CADM2: variants seen among roughly 807,000 people sequenced by gnomAD.
CADM2 encodes immunoglobulin superfamily member 4D.
A neutral mutation model predicts 49.8 loss-of-function variants in CADM2; 12 were observed. The ratio of observed to expected loss-of-function variants is 0.24; its 90% CI spans 0.15 to 0.39. The LOEUF (loss-of-function observed/expected upper bound fraction) is 0.39. Among genes scored for constraint, CADM2 ranks in the 10% least tolerant of loss-of-function variants. CADM2 has a pLI of 1.00. For synonymous variants in CADM2, 214 were observed against 175.4 expected, an observed-to-expected ratio of 1.22 and a Z score of -1.74; for missense variants, 378 against 492.3, an observed-to-expected ratio of 0.77 and a Z score of 2.20.
At chr3:85,959,341 G>T (rs1418897061) in intron 7 of CADM2, among the ~76,000 whole-genome samples, 3 of 151,722 alleles carry the variant, frequency 2.0e-5, no homozygotes, top group South Asian at 2.1e-4. Context: ...TAGGTTTTAT[G>T]GGGGCTTCAT....
chr3:85,711,263 C>T (rs1047294085), intron 1 of CADM2, among the ~76,000 whole-genome samples: 2 of 152,032 alleles, frequency 1.3e-5, no homozygotes, highest in Non-Finnish European at 2.9e-5. Flanking sequence ...TGTGCTGGGA[C>T]TTTGAAGACT....
intron 1 of CADM2, among the ~76,000 whole-genome samples, chr3:85,297,903 A>G (rs112437518): frequency 7.9e-5 from 12 of 152,206 alleles, no homozygotes; most frequent in South Asian, 2.1e-4. Flanking sequence ...CCACTAGACT[A>G]TAGGAATCAT....
intron 2 of CADM2, among the ~76,000 whole-genome samples, chr3:85,754,516 A>T (rs115483113): frequency 5.3e-5 from 8 of 152,304 alleles, no homozygotes; most frequent in African/African-American, 1.9e-4. Flanking sequence ...CTTGTCTTCT[A>T]TAATGTACCC....
rs116630849 is a variant in CADM2 at position 85,016,332 on chromosome 3, A to G, written c.61+56664A>G. Among the ~76,000 whole-genome samples, 932 of 152,318 alleles carry G rather than the reference A, an allele frequency of 6.1e-3. 16 individuals carry two copies. The highest frequency in any genetic ancestry group is 0.021 in the African/African-American group (892 of 41,566). On this transcript the variant is annotated intron_variant, in intron 1 of 9. Transcript: ENST00000383699. ...TAAAAAAGAGCCAAAACCATTTCCA[A>G]CAAGCCTCAGCAATTGGGATGACCA...
At chr3:85,116,799 T>G (rs1278546126) in intron 1 of CADM2, among the ~76,000 whole-genome samples, 2 of 152,146 alleles carry the variant, frequency 1.3e-5, no homozygotes, top group Non-Finnish European at 2.9e-5. Flanking sequence ...TAACTTATGA[T>G]AGTATACAGT....
chr3:85,694,535 A>G (rs1016551283), intron 1 of CADM2, among the ~76,000 whole-genome samples: 1 of 152,244 alleles, frequency 6.6e-6, no homozygotes. Context: ...GTATTTTGCT[A>G]TGGCAGCCCC....
intron 1 of CADM2, among the ~76,000 whole-genome samples, chr3:85,332,874 T>C (rs2044969828): frequency 6.6e-6 from 1 of 151,948 alleles, no homozygotes; most frequent in South Asian, 2.1e-4. Context: ...AAAATGGTGC[T>C]ACACAGTAGT....
chr3:85,105,653 A>C lies in CADM2; in HGVS notation c.61+145985A>C, dbSNP rs2038192276. On this transcript the variant is annotated intron_variant, in intron 1 of 9. Coordinates refer to ENST00000383699, the MANE Select transcript of CADM2 (RefSeq NM_001167675.2). The stretch of plus-strand genomic sequence containing the variant: ...TAAAGACACATGCACACTTATGTTT[A>C]TTGTGACACTATTCACAATAGCAAA... 2.0e-5 allele frequency among the ~76,000 whole-genome samples: 3 copies of C among 152,328 alleles called. No individual in the cohort carries two copies. In the South Asian group the frequency reaches 6.2e-4, roughly 32 times the overall value.
intron 1 of CADM2, among the ~76,000 whole-genome samples, chr3:85,111,895 A>G (rs1036569517): frequency 6.6e-6 from 1 of 151,864 alleles, no homozygotes; most frequent in Non-Finnish European, 1.5e-5. Context: ...ATAGTCATAT[A>G]ATGGTTTCTA....
chr3:85,538,453 CT>C (rs76105429), intron 1 of CADM2, among the ~76,000 whole-genome samples: 77,798 of 151,852 alleles, frequency 0.51, 23,004 homozygotes, highest in East Asian at 0.85. Flanking sequence ...TTGAAAGTAG[CT>C]TGTGCCCTTT....
At chr3:85,547,135 T>G (rs2107088187) in intron 1 of CADM2, among the ~76,000 whole-genome samples, 1 of 152,144 alleles carries the variant, frequency 6.6e-6, no homozygotes, top group African/African-American at 2.4e-5. Context: ...TAATGAAAAT[T>G]AAATATTTGT....
At chr3:85,038,411 G>A (rs2035305982) in intron 1 of CADM2, among the ~76,000 whole-genome samples, 1 of 152,162 alleles carries the variant, frequency 6.6e-6, no homozygotes. Context: ...TTACTTCATT[G>A]TGTTTTATAA....
rs563487077 is a variant in CADM2, at chr3:86,033,295, A to T, written c.971-32310A>T. ...TTTCTAATAATGTAGATATGTACACATGCATCACATTACTGTTCCTGTTCA... is the reference window on the plus strand; with the variant it reads ...TTTCTAATAATGTAGATATGTACACTTGCATCACATTACTGTTCCTGTTCA... On this transcript the variant is annotated intron_variant, in intron 8 of 9. Transcript: ENST00000383699. Among the ~76,000 whole-genome samples the T allele has an allele frequency of 2.6e-5, 4 of 151,996 alleles. No homozygotes were observed. The South Asian group carries it at 8.3e-4, about 31-fold the overall frequency.
intron 8 of CADM2, among the ~76,000 whole-genome samples, chr3:86,004,687 A>T (rs1270610675): frequency 1.3e-5 from 2 of 152,166 alleles, no homozygotes; most frequent in African/African-American, 4.8e-5. Flanking sequence ...GCTGCTGGCT[A>T]TTTCTGCAAA....
intron 1 of CADM2, among the ~76,000 whole-genome samples, chr3:85,638,538 A>G (rs2064592044): frequency 2.0e-5 from 3 of 152,132 alleles, no homozygotes; most frequent in Admixed American, 2.0e-4. Flanking sequence ...AGAAATTCAC[A>G]TAATGTTGAT....
chr3:85,466,743 AC>A (rs1379725189), intron 1 of CADM2, among the ~76,000 whole-genome samples: 2 of 152,212 alleles, frequency 1.3e-5, no homozygotes, highest in East Asian at 1.9e-4. Context: ...CAAATTTTTA[AC>A]AAAAAAAAAT....
chr3:85,075,233 T>C (rs965574818), intron 1 of CADM2, among the ~76,000 whole-genome samples: 2 of 151,988 alleles, frequency 1.3e-5, no homozygotes, highest in African/African-American at 4.8e-5. Context: ...TTTGTTTTTT[T>C]TTTTTAATAT....
At chr3:85,437,713 C>T (rs1478368073) in intron 1 of CADM2, among the ~76,000 whole-genome samples, 4 of 151,698 alleles carry the variant, frequency 2.6e-5, no homozygotes, top group African/African-American at 9.7e-5. Context: ...TGTGGAAATC[C>T]TTGTTACTTA....
intron 8 of CADM2, among the ~76,000 whole-genome samples, chr3:86,057,229 C>T (rs1559829736): frequency 6.6e-6 from 1 of 152,118 alleles, no homozygotes; most frequent in African/African-American, 2.4e-5. Context: ...TTTTTTCCCA[C>T]AAGTTATGTA....
Sources: gnomAD v4.1 joint callset for allele counts (sites outside exome capture counted in the v4.1 genomes callset) on GRCh38, gnomAD v4.1.1 for gene constraint, MANE v1.5 for transcripts, NCBI Gene and HGNC (gene_info 2026-07-23, HGNC 2026-07-21) for gene names.